SLC38A10: variants seen among roughly 807,000 people sequenced by gnomAD.
SLC38A10 encodes the protein Sodium-coupled neutral amino acid transporter 10.
In SLC38A10, 53 loss-of-function variants were observed where a neutral mutation model predicts 81.0. The observed-to-expected ratio is 0.65, with a 90% confidence interval of 0.53 to 0.82. The LOEUF (loss-of-function observed/expected upper bound fraction) is 0.82, where lower values mean the gene tolerates loss of function less well. Ranked by LOEUF, SLC38A10 falls within the 40% of genes least tolerant of loss-of-function variation. The probability of loss-of-function intolerance (pLI) is 0.00; values close to 1 mark genes in which losing one functional copy is unlikely to be tolerated. For synonymous variants in SLC38A10, 665 were observed against 655.3 expected, an observed-to-expected ratio of 1.01 and a Z score of -0.23; for missense variants, 1,471 against 1,545.0, an observed-to-expected ratio of 0.95 and a Z score of 0.80.
At chr17:81,278,468 C>T (rs543624076) in intron 6 of SLC38A10, among the ~76,000 whole-genome samples, 12 of 152,202 alleles carry the variant, frequency 7.9e-5, no homozygotes, top group Non-Finnish European at 1.8e-4. Flanking sequence ...TCCTAGCACA[C>T]CATCCCATCA....
rs2725405 is a variant in SLC38A10, at chr17:81,246,424, G to T, written c.2492C>A (p.Ala831Asp). The T allele has an allele frequency of 1.9e-6, 3 of 1,598,140 alleles. 1 individual carries two copies. In the South Asian group the frequency reaches 3.3e-5, roughly 18 times the overall value. ...ATCCTTCTGGCCATCTCTCAGCTTG[G>T]CCTGGGCTGCCCGAGGCTCTGTGTC... ...GPDTEPRAAQAKLRDGQKDAA... is the reference protein window; with the variant it reads ...GPDTEPRAAQDKLRDGQKDAA... Residue 831 changes from alanine (A) to aspartate (D), a missense_variant, in exon 16 of 16, where the codon GCC becomes GAC. Ala to Asp is a moderately radical substitution (Grantham distance 126). Around this residue, in one of 2 missense-constraint regions of SLC38A10, gnomAD observed 751 missense variants for 717.4 expected, o/e 1.05. Coordinates refer to ENST00000374759, the MANE Select transcript of SLC38A10 (RefSeq NM_001037984.3).
chr17:81,266,021 T>C (rs747956050), intron 10 of SLC38A10, among the ~76,000 whole-genome samples: 31 of 152,184 alleles, frequency 2.0e-4, no homozygotes, highest in Admixed American at 3.9e-4. Flanking sequence ...ATTCTGTGTG[T>C]GTCTACACAT....
chr17:81,280,893 G>A lies in SLC38A10; in HGVS notation c.502-160C>T, dbSNP rs555423891. On this transcript the variant is annotated intron_variant, in intron 5 of 15. Coordinates refer to ENST00000374759, the MANE Select transcript of SLC38A10 (RefSeq NM_001037984.3). ...CCTGTGCCGCCCTGTGCCGCCTTGTGCCGCCAGCTGGAGGCAGGGAGACCC... is the reference window on the plus strand; with the variant it reads ...CCTGTGCCGCCCTGTGCCGCCTTGTACCGCCAGCTGGAGGCAGGGAGACCC... Among the ~76,000 whole-genome samples the A allele has an allele frequency of 3.0e-4, 46 of 151,632 alleles. No individual in the cohort carries two copies. In the East Asian group the frequency reaches 8.7e-3, roughly 29 times the overall value.
In SLC38A10 at chr17:81,294,733, C is replaced by G. The variant is rs899279870; in HGVS notation, c.99+90G>C. On this transcript the variant is annotated intron_variant, in intron 1 of 15. Transcript: ENST00000374759. Reference sequence around the variant, plus strand: ...CTGCACCCGCCCAGCGAAGCCCTGCCCCGGCGGGAACTTTAACCAGGACGA... The same window carrying G: ...CTGCACCCGCCCAGCGAAGCCCTGCGCCGGCGGGAACTTTAACCAGGACGA... 4 of 1,238,338 alleles carry G rather than the reference C, an allele frequency of 3.2e-6. No homozygotes were observed. The African/African-American group carries it at 6.4e-5, about 20-fold the overall frequency. 76.7% of individuals were successfully genotyped at this position (1,238,338 alleles called of 1,614,324 possible). A position where few individuals can be genotyped will look rare whatever the true frequency, so the allele number is the denominator to read the frequency against.
Position 81,270,783 on chromosome 17 carries a change from G to A in SLC38A10, c.1131+135C>T, listed in dbSNP as rs922293925. On this transcript the variant is annotated intron_variant, in intron 10 of 15. Transcript: ENST00000374759. This position sits in a 1 kb window ranked among gnomAD's most constrained non-coding sequence, Gnocchi z 4.0. ...GGGTTCCCCAGGCTGACTGGACCAA[G>A]TCCCTTTTGTGGGTTTTAAGTTTCT... The A allele has an allele frequency of 1.3e-5, 9 of 691,790 alleles. No individual in the cohort carries two copies. The highest frequency in any genetic ancestry group is 2.7e-5 in the Admixed American group (1 of 36,648). The allele number at this position is 691,790 out of a possible 1,614,324, so 42.9% of individuals were successfully genotyped here.
chr17:81,260,349 T>C lies in SLC38A10; in HGVS notation c.1177A>G (p.Thr393Ala), dbSNP rs1364630137. 6.2e-7 allele frequency: 1 copy of C among 1,611,022 alleles called. No homozygotes were observed. Among genetic ancestry groups the C allele is most frequent in the African/African-American group, 1.3e-5 (1 of 75,016 alleles). Residue 393 changes from threonine (T) to alanine (A), a missense_variant, in exon 11 of 16, where the codon ACC (threonine) becomes GCC (alanine). By Grantham distance (58) the Thr-to-Ala change is moderately conservative. Coordinates refer to ENST00000374759, the MANE Select transcript of SLC38A10 (RefSeq NM_001037984.3). ...GLGVLVVSTVTTLSVSEEVPE... is the reference protein window; with the variant it reads ...GLGVLVVSTVATLSVSEEVPE... Reference sequence around the variant, plus strand: ...ACCTCCTCGCTCACAGACAGTGTGGTGACAGTGCTCACCACCAGGACGCCC... The same window carrying C: ...ACCTCCTCGCTCACAGACAGTGTGGCGACAGTGCTCACCACCAGGACGCCC...
At position 81,244,923 on chromosome 17, in the gene SLC38A10, C is replaced by T; in HGVS notation, c.*633G>A. On this transcript the variant is annotated 3_prime_UTR_variant, in exon 16 of 16. Transcript: ENST00000374759. The stretch of plus-strand genomic sequence containing the variant: ...TGAGGAGTGCAAAGGGCGGCACCGG[C>T]CAGTGCCCCTGGACACCCGGCTTGT... 6.1e-6 allele frequency: 1 copy of T among 164,288 alleles called. No homozygotes were observed. 10.2% of individuals were successfully genotyped at this position (164,288 alleles called of 1,614,324 possible). A position where few individuals can be genotyped will look rare whatever the true frequency, so the allele number is the denominator to read the frequency against.
chr17:81,247,618 G>A (rs2062864683), intron 14 of SLC38A10: 2 of 150,314 alleles, frequency 1.3e-5, no homozygotes, highest in African/African-American at 5.0e-5. Flanking sequence ...TTGAGCCCAG[G>A]AGTTAGAGAC....
rs552695122 is a variant in SLC38A10, at chr17:81,274,540, G to A, written c.912+1429C>T. 2.0e-5 allele frequency among the ~76,000 whole-genome samples: 3 copies of A among 152,350 alleles called. No homozygotes were observed. In the South Asian group the frequency reaches 6.2e-4, roughly 32 times the overall value. ...GCTGAAGGGACATACCAGGCTCACA[G>A]ATCTCAGGCTGCGGGACAGAAGATG... On this transcript the variant is annotated intron_variant, in intron 8 of 15. Coordinates refer to ENST00000374759, the MANE Select transcript of SLC38A10 (RefSeq NM_001037984.3).
rs1386184486 is a variant in SLC38A10, at chr17:81,286,864, G to A, written c.218-1969C>T. Among the ~76,000 whole-genome samples, 1 of 152,156 alleles carries A rather than the reference G, an allele frequency of 6.6e-6. No homozygotes were observed. Among genetic ancestry groups the A allele is most frequent in the Non-Finnish European group, 1.5e-5 (1 of 68,036 alleles). ...GGGGCCAAACAGTCCCTGCTGCTGGGGGAGGCGGTTTCTAGCCCAGACCAC... is the reference window on the plus strand; with the variant it reads ...GGGGCCAAACAGTCCCTGCTGCTGGAGGAGGCGGTTTCTAGCCCAGACCAC... On this transcript the variant is annotated intron_variant, in intron 2 of 15. Coordinates refer to ENST00000374759, the MANE Select transcript of SLC38A10 (RefSeq NM_001037984.3). This position sits in a 1 kb window ranked among gnomAD's most constrained non-coding sequence, Gnocchi z 6.0.
At chr17:81,254,893 A>C (rs553603332) in intron 11 of SLC38A10, among the ~76,000 whole-genome samples, 1 of 152,396 alleles carries the variant, frequency 6.6e-6, no homozygotes, top group African/African-American at 2.4e-5. Context: ...TGGATTACTA[A>C]GTGAAGAAAG....
In SLC38A10 at chr17:81,246,396, G is replaced by T. The variant is rs764446044; in HGVS notation, c.2520C>A (p.Ala840=). The change falls in exon 16 of 16, where the codon GCC becomes GCA. Residue 840 remains alanine, a synonymous_variant. Transcript: ENST00000374759. ...QAKLRDGQKD[A]APRAAGTVKE... is the part of the protein sequence containing the mutation. ...TCACAGTGCCAGCTGCCCTGGGGGC[G>T]GCATCCTTCTGGCCATCTCTCAGCT... The T allele has an allele frequency of 1.3e-6, 2 of 1,599,936 alleles. No homozygotes were observed.
intron 14 of SLC38A10, among the ~76,000 whole-genome samples, chr17:81,249,433 G>GGGAAGA (rs1555625602): frequency 6.0e-3 from 5 of 834 alleles, no homozygotes; most frequent in Non-Finnish European, 6.5e-3. Context: ...GGGAGAAGGA[G>GGGAAGA]GGAGGGAGAA....
In SLC38A10 at chr17:81,277,554, C is replaced by T. The variant is rs748119593; in HGVS notation, c.627-421G>A. ...GCCCATCTCGGCGCCTCCATCTCGG[C>T]GCCTCCGCACAGGCATGATCAGAGT... On this transcript the variant is annotated intron_variant, in intron 6 of 15. Transcript: ENST00000374759. The surrounding 1 kb of genome is among the most constrained non-coding windows in gnomAD (Gnocchi z 4.5). Among the ~76,000 whole-genome samples the T allele has an allele frequency of 2.0e-5, 3 of 152,356 alleles. No individual in the cohort carries two copies. The highest frequency in any genetic ancestry group is 1.9e-4 in the East Asian group (1 of 5,182).
chr17:81,255,527 G>A lies in SLC38A10; in HGVS notation c.1289-2287C>T, dbSNP rs113998485. Among the ~76,000 whole-genome samples the A allele has an allele frequency of 8.1e-3, 1,231 of 152,326 alleles. 15 individuals carry two copies. Among genetic ancestry groups the A allele is most frequent in the African/African-American group, 0.028 (1,169 of 41,568 alleles). ...CCGCCAGCTCACGACTGAGCTCCTCGGGAGGGAGGAGATCTCTGGCATCCG... is the reference window on the plus strand; with the variant it reads ...CCGCCAGCTCACGACTGAGCTCCTCAGGAGGGAGGAGATCTCTGGCATCCG... On this transcript the variant is annotated intron_variant, in intron 11 of 15. Transcript: ENST00000374759.
chr17:81,285,188 C>A (rs2063253087), intron 2 of SLC38A10: 1 of 294,708 alleles, frequency 3.4e-6, no homozygotes, highest in African/African-American at 2.2e-5. Context: ...TGCAGTCCTC[C>A]CACCCGGTGA....
At position 81,266,597 on chromosome 17, in the gene SLC38A10, C is replaced by T. The variant is rs547006627; in HGVS notation, c.1131+4321G>A. On this transcript the variant is annotated intron_variant, in intron 10 of 15. Transcript: ENST00000374759. ...TCGTGCCACTGCACTCCAGCCTGGG[C>T]GACAGAGTGAGACTCCATCTCAAAA... 1.2e-3 allele frequency among the ~76,000 whole-genome samples: 175 copies of T among 144,788 alleles called. 1 individual carries two copies. Among genetic ancestry groups the T allele is most frequent in the African/African-American group, 4.4e-3 (171 of 38,634 alleles). The allele number at this position is 144,788 out of a possible 152,430, so 95.0% of individuals were successfully genotyped here.
In SLC38A10 at chr17:81,270,933, G is replaced by T. The variant is rs143472887; in HGVS notation, c.1116C>A (p.Asn372Lys). 1.2e-6 allele frequency: 2 copies of T among 1,613,974 alleles called. No individual in the cohort carries two copies. The highest frequency in any genetic ancestry group is 2.2e-5 in the South Asian group (2 of 91,072). ...CAGCACGCACCTGGGAGGAAAGTGC[G>T]TTCTTGTGGATTTTCTTGTAGATCA... ...PALIYKKIHK[N>K]ALSSQVVLWV... Residue 372 changes from asparagine (N) to lysine (K), a missense_variant, in exon 10 of 16, where the codon AAC (asparagine) becomes AAA (lysine). Physicochemically the swap from Asn to Lys is moderately conservative, Grantham distance 94. Coordinates refer to ENST00000374759, the MANE Select transcript of SLC38A10 (RefSeq NM_001037984.3). This position sits in a 1 kb window ranked among gnomAD's most constrained non-coding sequence, Gnocchi z 4.0.
chr17:81,274,506 G>C (rs987770838), intron 8 of SLC38A10, among the ~76,000 whole-genome samples: 6 of 152,178 alleles, frequency 3.9e-5, no homozygotes, highest in African/African-American at 1.4e-4. Context: ...CTAGCCACCA[G>C]GAGTTCCAGC....
Sources: allele counts gnomAD v4.1 joint callset (sites outside exome capture counted in the v4.1 genomes callset), GRCh38; gene constraint gnomAD v4.1.1; regional missense constraint gnomAD v4.1.1; non-coding constraint Gnocchi (gnomAD v3.1); transcripts MANE v1.5; gene names NCBI Gene and HGNC (gene_info 2026-07-23, HGNC 2026-07-21).